The following UBN1 variants were observed in gnomAD, a reference collection of about 807,000 sequenced individuals.
UBN1 encodes the protein ubinuclein 1, also known as ubinuclein-1.
Under a neutral mutation model 108.5 loss-of-function variants are expected in UBN1, and 17 were observed. The observed-to-expected ratio is 0.16, with a 90% confidence interval of 0.11 to 0.24. The LOEUF (loss-of-function observed/expected upper bound fraction) is 0.24, where lower values mean the gene tolerates loss of function less well. Ranked by LOEUF, UBN1 falls within the 10% of genes least tolerant of loss-of-function variation. The pLI is 1.00. For missense variants in UBN1, 1,595 were observed against 1,394.4 expected (o/e 1.14, Z -2.29); for synonymous variants, 726 against 564.2 (o/e 1.29, Z -4.07).
At chr16:4,857,223 G>A (rs1415724960) in intron 2 of UBN1, among the ~76,000 whole-genome samples, 1 of 151,846 alleles carries the variant, frequency 6.6e-6, no homozygotes, top group Admixed American at 6.6e-5. Context: ...AGTGTTGTAT[G>A]CCTATAGTCC....
intron 2 of UBN1, among the ~76,000 whole-genome samples, chr16:4,854,282 C>G (rs2086692338): frequency 6.6e-6 from 1 of 151,826 alleles, no homozygotes; most frequent in Non-Finnish European, 1.5e-5. Flanking sequence ...ATCCACCCAC[C>G]TTGGCCTCTC....
At chr16:4,853,420 T>G (rs1435611685) in intron 2 of UBN1, among the ~76,000 whole-genome samples, 1 of 152,158 alleles carries the variant, frequency 6.6e-6, no homozygotes, top group Non-Finnish European at 1.5e-5. Flanking sequence ...TTATAAACGT[T>G]ATGTGTAAAT....
At chr16:4,872,132 C>T (rs1430851080) in intron 12 of UBN1, 1 of 937,114 alleles carries the variant, frequency 1.1e-6, no homozygotes. Flanking sequence ...GGACTCGAAT[C>T]ATCTGTTGTG....
At position 4,864,625 on chromosome 16, in the gene UBN1, C is replaced by T. The variant is rs372015571; in HGVS notation, c.1110+3523C>T. On this transcript the variant is annotated intron_variant, in intron 7 of 17. Coordinates refer to ENST00000262376, the MANE Select transcript of UBN1 (RefSeq NM_001079514.3). ...GGCAGGTACAGGTGCTGACAAAGCT[C>T]AGGTTTGATGCTCCTTTGGGTTATT... is the stretch of plus-strand genomic sequence containing the variant. Among the ~76,000 whole-genome samples, 5 of 152,118 alleles carry T rather than the reference C, an allele frequency of 3.3e-5. No homozygotes were observed. The East Asian group carries it at 9.6e-4, about 29-fold the overall frequency.
At position 4,868,889 on chromosome 16, in the gene UBN1, T is replaced by C. The variant is rs754234811; in HGVS notation, c.1167T>C (p.Asn389=). The change falls in exon 8 of 18, where the codon AAT becomes AAC. Residue 389 remains asparagine, a synonymous_variant. Transcript: ENST00000262376. The part of the protein sequence containing the change: ...SRQKFFTQDI[N]GILLDIEAQT... ...AGAAGTTCTTCACCCAGGATATTAATGGAATCCTATTAGAGTGAGTATCGT... is the reference window on the plus strand; with the variant it reads ...AGAAGTTCTTCACCCAGGATATTAACGGAATCCTATTAGAGTGAGTATCGT... 2.7e-5 allele frequency: 43 copies of C among 1,613,968 alleles called. No individual in the cohort carries two copies. The South Asian group carries it at 4.3e-4, about 16-fold the overall frequency.
Position 4,870,545 on chromosome 16 carries a change from G to C in UBN1, c.1341G>C (p.Lys447Asn). ...GCCGTCTGAAGGAGCCTCTCCAGAA[G>C]CTCAAGGAAGCCATTGGCAGGGCGA... ...QGGRLKEPLQ[K>N]LKEAIGRAMP... is the part of the protein sequence containing the mutation. The change falls in exon 10 of 18, where the codon AAG becomes AAC. Residue 447 changes from lysine to asparagine, a missense_variant. This residue lies in a region of UBN1 where 1,398 missense variants were observed against 1,194.7 expected (regional missense o/e 1.17). Transcript: ENST00000262376. 4.3e-6 allele frequency: 7 copies of C among 1,614,256 alleles called. No homozygotes were observed. The highest frequency in any genetic ancestry group is 5.9e-6 in the Non-Finnish European group (7 of 1,180,044).
intron 1 of UBN1, among the ~76,000 whole-genome samples, chr16:4,849,037 T>TTGCCGTGAGCCGAGATTA (rs1293717499): frequency 2.0e-5 from 3 of 151,810 alleles, no homozygotes; most frequent in Admixed American, 2.0e-4. Context: ...GAAGCGGAGG[T>TTGCCGTGAGCCGAGATTA]TGCCGTGAGC....
In UBN1 at chr16:4,870,561, G is replaced by A. The variant is rs997974104; in HGVS notation, c.1357G>A (p.Gly453Ser). 1.9e-6 allele frequency: 3 copies of A among 1,614,262 alleles called. No individual in the cohort carries two copies. The highest frequency in any genetic ancestry group is 1.7e-6 in the Non-Finnish European group (2 of 1,180,044). The change falls in exon 10 of 18, where the codon GGC becomes AGC. Residue 453 changes from glycine (G) to serine (S), a missense_variant. Physicochemically the swap from Gly to Ser is moderately conservative, Grantham distance 56. Transcript: ENST00000262376. ...TCTCCAGAAGCTCAAGGAAGCCATT[G>A]GCAGGGCGATGCCAGAGCAGATGGC... ...EPLQKLKEAIGRAMPEQMAKY... is the reference protein window; with the variant it reads ...EPLQKLKEAISRAMPEQMAKY...
At chr16:4,860,554 G>C in intron 6 of UBN1, 110 bp from the exon 7 acceptor site, 2 of 1,136,592 alleles carry the variant, frequency 1.8e-6, no homozygotes, top group Non-Finnish European at 2.5e-6. Context: ...AGGGTGGACT[G>C]TGACAGGTTC....
At chr16:4,869,295 G>A (rs1243670511) in intron 8 of UBN1, among the ~76,000 whole-genome samples, 1 of 152,210 alleles carries the variant, frequency 6.6e-6, no homozygotes, top group African/African-American at 2.4e-5. Context: ...TGCCTTGGGT[G>A]TTGCTTGGCG....
intron 14 of UBN1, among the ~76,000 whole-genome samples, chr16:4,873,371 C>T (rs911626808): frequency 6.6e-6 from 1 of 152,164 alleles, no homozygotes; most frequent in African/African-American, 2.4e-5. Flanking sequence ...GAACGTGTTA[C>T]ACTGTGATCT....
rs201272986 is a variant in UBN1, at chr16:4,871,235, A to G, written c.1640A>G (p.Asp547Gly). The G allele has an allele frequency of 1.2e-6, 2 of 1,614,194 alleles. No homozygotes were observed. Among genetic ancestry groups the G allele is most frequent in the Admixed American group, 1.7e-5 (1 of 60,026 alleles). Reference protein sequence around the residue: ...ERNNKAQAWEDCVKGFLDAEV... With the variant: ...ERNNKAQAWEGCVKGFLDAEV... ...AACAACAAAGCCCAGGCTTGGGAGG[A>G]CTGTGTGAAGGGCTTTCTGGATGCG... Residue 547 changes from aspartate (D) to glycine (G), a missense_variant, in exon 12 of 18, where the codon GAC (aspartate) becomes GGC (glycine). Asp to Gly is a moderately conservative substitution (Grantham distance 94, BLOSUM62 -1). Around this residue, in one of 3 missense-constraint regions of UBN1, gnomAD observed 1,398 missense variants for 1,194.7 expected, o/e 1.17. Coordinates refer to ENST00000262376, the MANE Select transcript of UBN1 (RefSeq NM_001079514.3).
At chr16:4,872,356 G>GT in intron 12 of UBN1, 1 of 984,570 alleles carries the variant, frequency 1.0e-6, no homozygotes, top group Non-Finnish European at 1.2e-6. Context: ...CATTTTCTTG[G>GT]TAAAGGCCAG....
rs900451413 is a variant in UBN1 at position 4,876,901 on chromosome 16, G to A, written c.3055G>A (p.Gly1019Ser). Residue 1019 changes from glycine to serine, a missense_variant, in exon 16 of 18, where the codon GGC becomes AGC. By Grantham distance (56) the Gly-to-Ser change is moderately conservative (BLOSUM62 0). Transcript: ENST00000262376. Reference sequence around the variant, plus strand: ...AGCGAGTGGGACTGTGCTGCTGGCCGGCTCCTCTTTGATGGCTTCACCCTA... The same window carrying A: ...AGCGAGTGGGACTGTGCTGCTGGCCAGCTCCTCTTTGATGGCTTCACCCTA... ...KGASGTVLLA[G>S]SSLMASPYKS... 22 of 1,612,516 alleles carry A rather than the reference G, an allele frequency of 1.4e-5. No homozygotes were observed. The highest frequency in any genetic ancestry group is 4.5e-5 in the East Asian group (2 of 44,874).
Position 4,859,017 on chromosome 16 carries a change from A to T in UBN1, c.433-8A>T. 6.2e-7 allele frequency: 1 copy of T among 1,611,012 alleles called. No individual in the cohort carries two copies. Among genetic ancestry groups the T allele is most frequent in the Non-Finnish European group, 8.5e-7 (1 of 1,179,254 alleles). Reference sequence around the variant, plus strand: ...ACTTGGAGCTGACAGTTTGTTTCCCATCTTCAGTATGATGAGCTTGTTCCT... The same window carrying T: ...ACTTGGAGCTGACAGTTTGTTTCCCTTCTTCAGTATGATGAGCTTGTTCCT... On this transcript the variant is annotated splice_region_variant and splice_polypyrimidine_tract_variant and intron_variant, in intron 4 of 17. Coordinates refer to ENST00000262376, the MANE Select transcript of UBN1 (RefSeq NM_001079514.3).
Position 4,872,921 on chromosome 16 carries a change from C to T in UBN1, c.1744C>T (p.Leu582=). The part of the protein sequence containing the change: ...FKESRRGHGH[L]TSILAKKKVM... ...GGAGAGCAGACGAGGCCATGGGCAC[C>T]TGACTTCAATCCTGTGAGTGTCTTG... is the stretch of plus-strand genomic sequence containing the variant. Residue 582 remains leucine, a synonymous_variant, in exon 13 of 18, where the codon CTG becomes TTG. Transcript: ENST00000262376. The T allele has an allele frequency of 6.2e-7, 1 of 1,614,212 alleles. No individual in the cohort carries two copies. The highest frequency in any genetic ancestry group is 8.5e-7 in the Non-Finnish European group (1 of 1,180,034).
intron 15 of UBN1, among the ~76,000 whole-genome samples, chr16:4,875,756 C>A (rs1374725507): frequency 6.6e-6 from 1 of 152,144 alleles, no homozygotes; most frequent in African/African-American, 2.4e-5. Context: ...TGACCCCTTG[C>A]CTCTCCATCT....
In UBN1 at chr16:4,870,895, T is replaced by A; in HGVS notation, c.1482T>A (p.Asp494Glu). ...DKEQRDRICS[D>E]EEEDEEKGGR... ...AGCAGAGGGACCGGATTTGTTCGGA[T>A]GAGGAAGAAGATGAAGAAAAAGGGG... is the stretch of plus-strand genomic sequence containing the variant. Residue 494 changes from aspartate to glutamate, a missense_variant, in exon 11 of 18, where the codon GAT becomes GAA. This residue lies in a region of UBN1 where 1,398 missense variants were observed against 1,194.7 expected (regional missense o/e 1.17). Transcript: ENST00000262376. The A allele has an allele frequency of 6.2e-7, 1 of 1,613,878 alleles. No homozygotes were observed. Among genetic ancestry groups the A allele is most frequent in the Non-Finnish European group, 8.5e-7 (1 of 1,179,934 alleles).
rs1452664404 is a variant in UBN1, at chr16:4,847,936, GC to G, written c.-313del. On this transcript the variant is annotated 5_prime_UTR_variant, in exon 1 of 18. Transcript: ENST00000262376. ...GTCCCGCGCCGCAAGTTCTCCTGGG[GC>G]GACCGGAGGCTGCTCCCCCGACCCC... 1 of 152,712 alleles carries G rather than the reference GC, an allele frequency of 6.5e-6. No individual in the cohort carries two copies. The highest frequency in any genetic ancestry group is 1.5e-5 in the Non-Finnish European group (1 of 68,440). 9.5% of individuals were successfully genotyped at this position (152,712 alleles called of 1,614,324 possible). A position where few individuals can be genotyped will look rare whatever the true frequency, so the allele number is the denominator to read the frequency against.
Sources: gnomAD v4.1 joint callset for allele counts (sites outside exome capture counted in the v4.1 genomes callset) on GRCh38, gnomAD v4.1.1 for gene constraint, gnomAD v4.1.1 regional missense constraint, MANE v1.5 for transcripts, NCBI Gene and HGNC (gene_info 2026-07-23, HGNC 2026-07-21) for gene names.